The following SYTL5 variants were observed in gnomAD, a reference collection of about 807,000 sequenced individuals.
SYTL5 encodes synaptotagmin like 5, also known as synaptotagmin-like protein 5.
SYTL5 carries 34 observed loss-of-function variants against 55.9 expected under a neutral mutation model. The ratio of observed to expected loss-of-function variants is 0.61; its 90% CI spans 0.46 to 0.81. The LOEUF (loss-of-function observed/expected upper bound fraction) is 0.81, where lower values mean the gene tolerates loss of function less well. Among genes scored for constraint, SYTL5 ranks in the 30% least tolerant of loss-of-function variants. SYTL5 has a pLI of 0.00. For synonymous variants in SYTL5, 221 were observed against 188.7 expected, an observed-to-expected ratio of 1.17 and a Z score of -1.40; for missense variants, 637 against 546.7, an observed-to-expected ratio of 1.17 and a Z score of -1.65.
the SYTL5 span, among the ~76,000 whole-genome samples, chrX:37,947,528 G>A: frequency 1.2e-4 from 13 of 111,714 alleles, no homozygotes; most frequent in Admixed American, 1.9e-4. Flanking sequence ...CCAGCCATGC[G>A]GAACTGTGAG....
At chrX:38,012,092 CT>C (rs2147101758) in intron 1 of SYTL5, among the ~76,000 whole-genome samples, 1 of 111,970 alleles carries the variant, frequency 8.9e-6, no homozygotes, top group South Asian at 3.7e-4. Flanking sequence ...TAACAGTCGA[CT>C]TATCCAGGCT....
the SYTL5 span, among the ~76,000 whole-genome samples, chrX:37,987,522 T>C: frequency 1.1e-4 from 12 of 112,467 alleles, no homozygotes; most frequent in Non-Finnish European, 2.3e-4. Flanking sequence ...ATGCCTAGTT[T>C]GCTTAACATT....
chrX:38,122,092 T>C lies in SYTL5; in HGVS notation c.1718T>C (p.Phe573Ser). 2 of 1,187,604 alleles carry C rather than the reference T, an allele frequency of 1.7e-6. No homozygotes were observed. The highest frequency in any genetic ancestry group is 2.3e-6 in the Non-Finnish European group (2 of 882,285). ...GTGGCTGACACAGGAAATAAGACTT[T>C]TAAAAAGGGAAAGAAGAAGGAGTCA... ...PPEQLQGNKT[F>S]KKGKKKESPV... is the part of the protein sequence containing the mutation. Residue 573 changes from phenylalanine to serine, a missense_variant, in exon 15 of 17, where the codon TTT (phenylalanine) becomes TCT (serine). By Grantham distance (155) the Phe-to-Ser change is radical. Coordinates refer to ENST00000297875, the MANE Select transcript of SYTL5 (RefSeq NM_138780.3).
At chrX:37,898,921 C>T in the SYTL5 span, among the ~76,000 whole-genome samples, 2 of 111,846 alleles carry the variant, frequency 1.8e-5, no homozygotes, top group Non-Finnish European at 3.8e-5. Flanking sequence ...TGGGCAATCT[C>T]ACCTAAGAGC....
chrX:38,113,897 C>T (rs181784133), intron 13 of SYTL5, among the ~76,000 whole-genome samples: 29 of 111,033 alleles, frequency 2.6e-4, no homozygotes, highest in African/African-American at 7.5e-4. Context: ...GATTAAGGAA[C>T]GTCAATACTC....
chrX:38,028,123 C>G (rs755696752), intron 1 of SYTL5, among the ~76,000 whole-genome samples: 2 of 111,864 alleles, frequency 1.8e-5, no homozygotes, highest in African/African-American at 6.5e-5. Context: ...TGCGCCCAGC[C>G]AATTCTTCTC....
intron 1 of SYTL5, among the ~76,000 whole-genome samples, chrX:38,026,009 T>C (rs1304208189): frequency 8.9e-6 from 1 of 112,503 alleles, no homozygotes; most frequent in East Asian, 2.8e-4. Context: ...GAAGCCAACT[T>C]ATAATCAAAA....
At chrX:37,900,659 T>A in the SYTL5 span, among the ~76,000 whole-genome samples, 1 of 112,308 alleles carries the variant, frequency 8.9e-6, no homozygotes, top group African/African-American at 3.2e-5. Flanking sequence ...AGTGGCATCA[T>A]TTTTAAGGCA....
chrX:37,982,380 A>T, the SYTL5 span, among the ~76,000 whole-genome samples: 1 of 111,923 alleles, frequency 8.9e-6, no homozygotes, highest in Admixed American at 9.5e-5. Context: ...GCCCAATTTG[A>T]GGAGCAGAAA....
At chrX:38,051,129 C>T (rs1320130487) in intron 2 of SYTL5, among the ~76,000 whole-genome samples, 1 of 111,750 alleles carries the variant, frequency 8.9e-6, no homozygotes, top group African/African-American at 3.2e-5. Flanking sequence ...TGGGAAAGAA[C>T]TTGGTATATT....
chrX:38,064,220 C>A (rs1232602411), intron 3 of SYTL5, among the ~76,000 whole-genome samples: 2 of 111,075 alleles, frequency 1.8e-5, no homozygotes, highest in African/African-American at 6.5e-5. Context: ...AATTGCACAC[C>A]AAACGGTATG....
At chrX:38,096,790 A>T (rs1936950000) in intron 9 of SYTL5, among the ~76,000 whole-genome samples, 1 of 111,470 alleles carries the variant, frequency 9.0e-6, no homozygotes, top group Non-Finnish European at 1.9e-5. Flanking sequence ...AATAGAACAC[A>T]AATGTAAAAT....
At chrX:37,911,445 C>T in the SYTL5 span, among the ~76,000 whole-genome samples, 1 of 111,411 alleles carries the variant, frequency 9.0e-6, no homozygotes. Flanking sequence ...GTTTGTTCTC[C>T]AATCATAGAG....
intron 10 of SYTL5, chrX:38,102,980 G>GCT: frequency 1.1e-6 from 1 of 951,636 alleles, no homozygotes; most frequent in Non-Finnish European, 1.5e-6. Flanking sequence ...GATTTCTGTT[G>GCT]CTCTGATGCT....
chrX:38,043,661 GTATA>G (rs35312093), intron 2 of SYTL5, among the ~76,000 whole-genome samples: 1,964 of 50,103 alleles, frequency 0.039, 39 homozygotes, highest in Non-Finnish European at 0.052. Flanking sequence ...ATGTATGTAT[GTATA>G]TATATATATA....
intron 1 of SYTL5, among the ~76,000 whole-genome samples, chrX:38,008,713 T>G (rs1053394225): frequency 1.8e-5 from 2 of 112,321 alleles, no homozygotes; most frequent in African/African-American, 6.5e-5. Flanking sequence ...AATCTTTCTT[T>G]CAAATTCCCC....
the SYTL5 span, among the ~76,000 whole-genome samples, chrX:37,994,985 A>G: frequency 9.0e-6 from 1 of 111,423 alleles, no homozygotes; most frequent in Non-Finnish European, 1.9e-5. Flanking sequence ...AGCTATCCCC[A>G]GAGAGCTGAA....
At chrX:38,067,072 A>G (rs1374426909) in intron 3 of SYTL5, among the ~76,000 whole-genome samples, 2 of 111,951 alleles carry the variant, frequency 1.8e-5, no homozygotes, top group Admixed American at 1.9e-4. Flanking sequence ...TGAGAGGGTG[A>G]CAAAGGCATA....
At chrX:38,011,857 G>A (rs1241184217) in intron 1 of SYTL5, among the ~76,000 whole-genome samples, 1 of 108,071 alleles carries the variant, frequency 9.3e-6, no homozygotes, top group Admixed American at 1.0e-4. Context: ...TCATTTAAAT[G>A]TTCTCTCACC....
Sources: gnomAD v4.1 joint callset for allele counts (sites outside exome capture counted in the v4.1 genomes callset) on GRCh38, gnomAD v4.1.1 for gene constraint, MANE v1.5 for transcripts, NCBI Gene and HGNC (gene_info 2026-07-23, HGNC 2026-07-21) for gene names.